The following TNRC18 variants were observed in gnomAD, a reference collection of about 807,000 sequenced individuals.
TNRC18 encodes trinucleotide repeat-containing gene 18 protein.
TNRC18 carries 69 observed loss-of-function variants against 226.7 expected under a neutral mutation model. The observed-to-expected ratio is 0.30, with a 90% confidence interval of 0.25 to 0.37. TNRC18 has a LOEUF of 0.37. Ranked by LOEUF, TNRC18 falls within the 10% of genes least tolerant of loss-of-function variation. The pLI is 1.00. For synonymous variants in TNRC18, 2,449 were observed against 1,927.6 expected (o/e 1.27, Z -7.09); for missense variants, 4,754 against 4,256.6 (o/e 1.12, Z -3.25).
chr7:5,322,473 T>C (rs1387116690), intron 21 of TNRC18, among the ~76,000 whole-genome samples: 1 of 152,118 alleles, frequency 6.6e-6, no homozygotes, highest in Non-Finnish European at 1.5e-5. Context: ...TAATTATTTT[T>C]TGTAGAGACA....
chr7:5,376,087 G>C lies in TNRC18; in HGVS notation c.2746C>G (p.Leu916Val). ...HFLRQQEFLY[L>V]QQQAAQALEL... ...AAGGCCTGGGCCGCCTGCTGCTGCA[G>C]GTACAGGAACTCCTGCTGCCGCAGG... Residue 916 changes from leucine (L) to valine (V), a missense_variant, in exon 9 of 30, where the codon CTG becomes GTG. By Grantham distance (32) the Leu-to-Val change is conservative. Coordinates refer to ENST00000430969, the MANE Select transcript of TNRC18 (RefSeq NM_001080495.3). 1 of 1,595,778 alleles carries C rather than the reference G, an allele frequency of 6.3e-7. No individual in the cohort carries two copies. The highest frequency in any genetic ancestry group is 8.5e-7 in the Non-Finnish European group (1 of 1,172,426).
Position 5,394,582 on chromosome 7 carries a change from C to G in TNRC18, c.201G>C (p.Leu67Phe). The G allele has an allele frequency of 6.5e-7, 1 of 1,546,956 alleles. No homozygotes were observed. Among genetic ancestry groups the G allele is most frequent in the Non-Finnish European group, 8.7e-7 (1 of 1,146,834 alleles). ...CCATCCCGCTGGCCACAAAGCTGCC[C>G]AAGAAGGCCTCGCCTGCAGAGAGAA... ...NLHPHPGEAFLGSFVASGMGP... is the reference protein window; with the variant it reads ...NLHPHPGEAFFGSFVASGMGP... Residue 67 changes from leucine to phenylalanine, a missense_variant, in exon 3 of 30, where the codon TTG (leucine) becomes TTC (phenylalanine). Leu to Phe is a conservative substitution (Grantham distance 22, BLOSUM62 0). Coordinates refer to ENST00000430969, the MANE Select transcript of TNRC18 (RefSeq NM_001080495.3). The surrounding 1 kb of genome is among the most constrained non-coding windows in gnomAD (Gnocchi z 4.5).
intron 2 of TNRC18, among the ~76,000 whole-genome samples, chr7:5,395,395 T>C (rs1165247604): frequency 2.0e-5 from 3 of 151,906 alleles, no homozygotes; most frequent in South Asian, 2.1e-4. Flanking sequence ...AGAAACATGA[T>C]GGAAATCAGC....
chr7:5,312,755 G>C lies in TNRC18; in HGVS notation c.8136C>G (p.Pro2712=). 2 of 1,536,358 alleles carry C rather than the reference G, an allele frequency of 1.3e-6. No individual in the cohort carries two copies. Among genetic ancestry groups the C allele is most frequent in the South Asian group, 1.3e-5 (1 of 77,852 alleles). ...KATKQAGKAR[P]SAHSPGKKTP... Reference sequence around the variant, plus strand: ...TCTTCTTGCCTGGGGAGTGGGCCGAGGGCCGCGCCTTGCCGGCCTGCTTGG... The same window carrying C: ...TCTTCTTGCCTGGGGAGTGGGCCGACGGCCGCGCCTTGCCGGCCTGCTTGG... The change falls in exon 27 of 30, where the codon CCC becomes CCG. Residue 2712 remains proline (P), a synonymous_variant. Coordinates refer to ENST00000430969, the MANE Select transcript of TNRC18 (RefSeq NM_001080495.3). This position sits in a 1 kb window ranked among gnomAD's most constrained non-coding sequence, Gnocchi z 6.3.
intron 2 of TNRC18, among the ~76,000 whole-genome samples, chr7:5,419,196 G>A (rs1782381825): frequency 6.6e-6 from 1 of 152,274 alleles, no homozygotes; most frequent in South Asian, 2.1e-4. Flanking sequence ...TAGGCCGTCT[G>A]ACTGCTGCGT....
At chr7:5,340,685 G>A (rs1276187422) in intron 18 of TNRC18, among the ~76,000 whole-genome samples, 5 of 151,272 alleles carry the variant, frequency 3.3e-5, no homozygotes, top group Non-Finnish European at 5.9e-5. Context: ...AGAGGTTGCA[G>A]TGAGCTGAGA....
Position 5,345,816 on chromosome 7 carries a change from G to T in TNRC18, c.5471-6C>A. The T allele has an allele frequency of 6.5e-7, 1 of 1,539,722 alleles. No individual in the cohort carries two copies. The stretch of plus-strand genomic sequence containing the variant: ...CTCCTCCTCCGAGCTCTCATCTGGC[G>T]TGCAGAAAACAGGGACCGAGTCAGA... On this transcript the variant is annotated splice_region_variant and splice_polypyrimidine_tract_variant and intron_variant, in intron 17 of 29. Coordinates refer to ENST00000430969, the MANE Select transcript of TNRC18 (RefSeq NM_001080495.3).
At chr7:5,385,494 CAAAAAAAAAAA>C (rs60919833) in intron 5 of TNRC18, among the ~76,000 whole-genome samples, 24 of 88,122 alleles carry the variant, frequency 2.7e-4, no homozygotes, top group South Asian at 7.4e-4. Flanking sequence ...GACTCCGTCT[CAAAAAAAAAAA>C]AAAAAAAAAA....
Position 5,324,202 on chromosome 7 carries a change from A to G in TNRC18, c.6442+12T>C. On this transcript the variant is annotated intron_variant, in intron 21 of 29. Coordinates refer to ENST00000430969, the MANE Select transcript of TNRC18 (RefSeq NM_001080495.3). This position sits in a 1 kb window ranked among gnomAD's most constrained non-coding sequence, Gnocchi z 4.8. ...AGCCCCGCCCGGCACATGTGGCATC[A>G]CGGCCACTCACCCGGGGTCAGCGGC... 6.3e-7 allele frequency: 1 copy of G among 1,590,652 alleles called. No individual in the cohort carries two copies. Among genetic ancestry groups the G allele is most frequent in the South Asian group, 1.1e-5 (1 of 89,214 alleles).
Position 5,309,455 on chromosome 7 carries a change from G to A in TNRC18, c.8389-87C>T. 8 of 1,210,314 alleles carry A rather than the reference G, an allele frequency of 6.6e-6. No individual in the cohort carries two copies. The highest frequency in any genetic ancestry group is 9.2e-6 in the Non-Finnish European group (8 of 867,382). The allele number at this position is 1,210,314 out of a possible 1,614,324, so 75.0% of individuals were successfully genotyped here. On this transcript the variant is annotated intron_variant, in intron 27 of 29. Coordinates refer to ENST00000430969, the MANE Select transcript of TNRC18 (RefSeq NM_001080495.3). This position sits in a 1 kb window ranked among gnomAD's most constrained non-coding sequence, Gnocchi z 5.7. ...GCAGGCTCTGCCGCTTGGGACTCTGGGCCCTCGGCCTCTAAATCAACCCCT... is the reference window on the plus strand; with the variant it reads ...GCAGGCTCTGCCGCTTGGGACTCTGAGCCCTCGGCCTCTAAATCAACCCCT...
At chr7:5,368,722 AC>A (rs1465663415) in intron 11 of TNRC18, among the ~76,000 whole-genome samples, 1 of 151,918 alleles carries the variant, frequency 6.6e-6, no homozygotes, top group Admixed American at 6.6e-5. Flanking sequence ...GTTACAGAAC[AC>A]TATTTACAAA....
At position 5,344,060 on chromosome 7, in the gene TNRC18, G is replaced by A. The variant is rs141204869; in HGVS notation, c.5719+1502C>T. The stretch of plus-strand genomic sequence containing the variant: ...CAATGAAAAAGGAGACATCACTACA[G>A]ACCCTTCAGACAGTCAACGCAGAAT... On this transcript the variant is annotated intron_variant, in intron 18 of 29. Coordinates refer to ENST00000430969, the MANE Select transcript of TNRC18 (RefSeq NM_001080495.3). Among the ~76,000 whole-genome samples, 924 of 152,344 alleles carry A rather than the reference G, an allele frequency of 6.1e-3. 13 individuals are homozygous for A. Among genetic ancestry groups the A allele is most frequent in the African/African-American group, 0.021 (881 of 41,584 alleles).
intron 17 of TNRC18, among the ~76,000 whole-genome samples, chr7:5,350,138 G>A (rs1229989530): frequency 6.6e-6 from 1 of 152,114 alleles, no homozygotes; most frequent in Admixed American, 6.5e-5. Context: ...AAAGGGAGGA[G>A]GCCGGGGAGG....
In TNRC18 at chr7:5,370,878, C is replaced by A. The variant is rs757503737; in HGVS notation, c.3716G>T (p.Cys1239Phe). 2.1e-5 allele frequency: 33 copies of A among 1,607,762 alleles called. No individual in the cohort carries two copies. Among genetic ancestry groups the A allele is most frequent in the Non-Finnish European group, 8.5e-6 (10 of 1,179,718 alleles). ...RVDSPGRTEP[C>F]TAALDLGVQL... ...CACCCCCAGGTCCAGGGCGGCGGTG[C>A]AGGGTTCTGTCCGGCCCGGGGAATC... Residue 1239 changes from cysteine to phenylalanine, a missense_variant, in exon 11 of 30, where the codon TGC becomes TTC. By Grantham distance (205) the Cys-to-Phe change is radical. Transcript: ENST00000430969.
At position 5,371,224 on chromosome 7, in the gene TNRC18, G is replaced by T. The variant is rs1300141569; in HGVS notation, c.3370C>A (p.Leu1124Met). 2 of 1,605,526 alleles carry T rather than the reference G, an allele frequency of 1.2e-6. No homozygotes were observed. The highest frequency in any genetic ancestry group is 2.7e-5 in the African/African-American group (2 of 74,744). Reference protein sequence around the residue: ...VPLPADGPERLALSPEDKPIR... With the variant: ...VPLPADGPERMALSPEDKPIR... Reference sequence around the variant, plus strand: ...GGCTTGTCTTCGGGTGAGAGTGCCAGGCGCTCGGGCCCATCAGCCGGGAGC... The same window carrying T: ...GGCTTGTCTTCGGGTGAGAGTGCCATGCGCTCGGGCCCATCAGCCGGGAGC... Residue 1124 changes from leucine to methionine, a missense_variant, in exon 11 of 30, where the codon CTG (leucine) becomes ATG (methionine). Transcript: ENST00000430969.
intron 2 of TNRC18, among the ~76,000 whole-genome samples, chr7:5,409,593 AAAT>A (rs1200004656): frequency 2.6e-5 from 4 of 152,010 alleles, no homozygotes; most frequent in Admixed American, 6.6e-5. Context: ...TGTCTCAAAA[AAAT>A]AATAATAATT....
At chr7:5,327,176 G>A (rs1789000855) in intron 19 of TNRC18, among the ~76,000 whole-genome samples, 1 of 152,042 alleles carries the variant, frequency 6.6e-6, no homozygotes, top group Non-Finnish European at 1.5e-5. Context: ...GGCCAGGAGA[G>A]GTAGAAAAGT....
intron 12 of TNRC18, 144 bp from the exon 13 acceptor site, chr7:5,362,177 T>G (rs1793124214): frequency 1.0e-6 from 1 of 998,286 alleles, no homozygotes; most frequent in Non-Finnish European, 1.5e-6. Context: ...CTCCTGACTG[T>G]GGCCATGGCC....
intron 2 of TNRC18, among the ~76,000 whole-genome samples, chr7:5,402,976 C>A (rs1184790722): frequency 6.6e-6 from 1 of 152,090 alleles, no homozygotes; most frequent in Non-Finnish European, 1.5e-5. Flanking sequence ...GTGCTCCCCA[C>A]TCCTGTCAAC....
Sources: allele counts gnomAD v4.1 joint callset (sites outside exome capture counted in the v4.1 genomes callset), GRCh38; gene constraint gnomAD v4.1.1; non-coding constraint Gnocchi (gnomAD v3.1); transcripts MANE v1.5; gene names NCBI Gene and HGNC (gene_info 2026-07-23, HGNC 2026-07-21).